CHST11: variants seen among roughly 807,000 people sequenced by gnomAD.
CHST11 encodes the protein carbohydrate sulfotransferase 11, also known as C4S-1.
A neutral mutation model predicts 30.4 loss-of-function variants in CHST11; 9 were observed. The ratio of observed to expected loss-of-function variants is 0.30; its 90% confidence interval spans 0.18 to 0.52. CHST11 has a LOEUF of 0.52. Among genes scored for constraint, CHST11 ranks in the 20% least tolerant of loss-of-function variants. The pLI is 0.97. For missense variants in CHST11, 348 were observed against 460.6 expected (o/e 0.76, Z 2.24); for synonymous variants, 152 against 187.8 (o/e 0.81, Z 1.56).
chr12:104,475,658 T>TTATATATACATATATATATATA (rs2037550360), intron 1 of CHST11, among the ~76,000 whole-genome samples: 3 of 34,164 alleles, frequency 8.8e-5, no homozygotes, highest in East Asian at 2.0e-3. Context: ...TAAAGCAGCA[T>TTATATATACATATATATATATA]TATATATATA....
At chr12:104,726,325 T>A (rs909353325) in intron 2 of CHST11, among the ~76,000 whole-genome samples, 7 of 152,118 alleles carry the variant, frequency 4.6e-5, no homozygotes, top group Non-Finnish European at 7.4e-5. Flanking sequence ...TATTTGTACA[T>A]CCCCTGGTGC....
chr12:104,735,100 G>A (rs79153121), intron 2 of CHST11, among the ~76,000 whole-genome samples: 6,215 of 152,278 alleles, frequency 0.041, 450 homozygotes, highest in African/African-American at 0.14. Context: ...AGGGAGCAGA[G>A]GTAGGGATCT....
chr12:104,574,297 G>A (rs2038660341), intron 1 of CHST11, among the ~76,000 whole-genome samples: 1 of 152,174 alleles, frequency 6.6e-6, no homozygotes, highest in South Asian at 2.1e-4. Context: ...GTGGAAGTCA[G>A]TGTGGCGATT....
chr12:104,627,697 G>A (rs554396481), intron 2 of CHST11, among the ~76,000 whole-genome samples: 1 of 152,200 alleles, frequency 6.6e-6, no homozygotes, highest in African/African-American at 2.4e-5. Context: ...TCTCCTTTTG[G>A]GCATTTAATA....
At chr12:104,477,520 T>C (rs1211209315) in intron 1 of CHST11, among the ~76,000 whole-genome samples, 3 of 152,132 alleles carry the variant, frequency 2.0e-5, no homozygotes, top group Non-Finnish European at 2.9e-5. Flanking sequence ...AATATGAGGC[T>C]CTTAGAAGGT....
At chr12:104,642,372 A>ATTTCT (rs1193403095) in intron 2 of CHST11, among the ~76,000 whole-genome samples, 6 of 152,068 alleles carry the variant, frequency 3.9e-5, no homozygotes, top group Non-Finnish European at 2.9e-5. Context: ...ACCTATGCGC[A>ATTTCT]TTTCTTTTTT....
At chr12:104,601,855 C>A (rs769117025) in intron 1 of CHST11, 51 bp from the exon 2 acceptor site, 1 of 1,463,172 alleles carries the variant, frequency 6.8e-7, no homozygotes, top group South Asian at 1.2e-5. Flanking sequence ...CTTTGACAGA[C>A]AACAAATCTT....
intron 2 of CHST11, among the ~76,000 whole-genome samples, chr12:104,621,017 G>A (rs1387506190): frequency 6.6e-6 from 1 of 152,224 alleles, no homozygotes; most frequent in Non-Finnish European, 1.5e-5. Context: ...TGAGCGCAGA[G>A]TGTAGTCTTT....
intron 2 of CHST11, among the ~76,000 whole-genome samples, chr12:104,735,738 A>G (rs2040294693): frequency 6.6e-6 from 1 of 152,126 alleles, no homozygotes; most frequent in Non-Finnish European, 1.5e-5. Flanking sequence ...ACAGAGCCTG[A>G]GGGGCTGGCA....
rs111810878 is a variant in CHST11 at position 104,472,390 on chromosome 12, T to TACAC, written c.118+14880_118+14883dup. Among the ~76,000 whole-genome samples the TACAC allele has an allele frequency of 2.9e-4, 43 of 149,862 alleles. 1 individual carries two copies. The highest frequency in any genetic ancestry group is 9.0e-4 in the African/African-American group (37 of 41,000). Reference sequence around the variant, plus strand: ...ACAAGATATTGGCTGCAAAGTTTTATACACACACACACACACACACACCCC... The same window carrying TACAC: ...ACAAGATATTGGCTGCAAAGTTTTATACACACACACACACACACACACACACCCC... On this transcript the variant is annotated intron_variant, in intron 1 of 2. Coordinates refer to ENST00000303694, the MANE Select transcript of CHST11 (RefSeq NM_018413.6).
intron 1 of CHST11, among the ~76,000 whole-genome samples, chr12:104,509,489 A>T (rs902610591): frequency 2.6e-5 from 4 of 152,196 alleles, no homozygotes; most frequent in African/African-American, 9.7e-5. Flanking sequence ...TTTCCCCTAT[A>T]TAAGGGGGCA....
At chr12:104,701,178 C>T (rs312138) in intron 2 of CHST11, among the ~76,000 whole-genome samples, 52,890 of 151,904 alleles carry the variant, frequency 0.35, 9,432 homozygotes, top group Non-Finnish European at 0.4. Context: ...GTTGAGTAAC[C>T]GGGCCAAAGT....
intron 2 of CHST11, among the ~76,000 whole-genome samples, chr12:104,735,686 C>T (rs1429061511): frequency 6.6e-6 from 1 of 152,242 alleles, no homozygotes; most frequent in Non-Finnish European, 1.5e-5. Flanking sequence ...CTAGAGAAAT[C>T]ACAGGGGTCC....
chr12:104,498,382 T>A (rs941388361), intron 1 of CHST11, among the ~76,000 whole-genome samples: 6 of 152,214 alleles, frequency 3.9e-5, no homozygotes, highest in African/African-American at 1.4e-4. Flanking sequence ...GGGTCCATTT[T>A]ATTTTAAAGG....
chr12:104,637,312 A>AAG (rs2039333446), intron 2 of CHST11, among the ~76,000 whole-genome samples: 3 of 48,584 alleles, frequency 6.2e-5, no homozygotes, highest in Non-Finnish European at 1.1e-4. Flanking sequence ...TAAAAAAAAA[A>AAG]AAAAAAAAAA....
chr12:104,513,139 T>TGGGGGGGGGGGGGGGGGGG (rs1565969846), intron 1 of CHST11, among the ~76,000 whole-genome samples: 3 of 2,930 alleles, frequency 1.0e-3, no homozygotes, highest in Admixed American at 3.8e-3. Context: ...GGGGGGGGGT[T>TGGGGGGGGGGGGGGGGGGG]GGGGGTGGGG....
intron 2 of CHST11, among the ~76,000 whole-genome samples, chr12:104,603,028 T>G (rs1369475097): frequency 6.6e-6 from 1 of 152,146 alleles, no homozygotes; most frequent in Admixed American, 6.5e-5. Flanking sequence ...TCATGCCCTG[T>G]CTTGAGGTGT....
chr12:104,685,402 A>C (rs2039837073), intron 2 of CHST11, among the ~76,000 whole-genome samples: 1 of 152,238 alleles, frequency 6.6e-6, no homozygotes, highest in South Asian at 2.1e-4. Flanking sequence ...CTCAAGTTAC[A>C]CAGGTGCTTT....
At chr12:104,553,852 GT>G (rs961987271) in intron 1 of CHST11, among the ~76,000 whole-genome samples, 1 of 152,122 alleles carries the variant, frequency 6.6e-6, no homozygotes, top group East Asian at 1.9e-4. Context: ...TTATATCACA[GT>G]TTTTTTGGGT....
Sources: gnomAD v4.1 joint callset for allele counts (sites outside exome capture counted in the v4.1 genomes callset) on GRCh38, gnomAD v4.1.1 for gene constraint, MANE v1.5 for transcripts, NCBI Gene and HGNC (gene_info 2026-07-23, HGNC 2026-07-21) for gene names.